Variants in LARGE1 observed in about 807,000 individuals in gnomAD.
LARGE1 encodes LARGE xylosyl- and glucuronyltransferase 1, also known as xylosyl- and glucuronyltransferase LARGE1.
Under a neutral mutation model 87.6 loss-of-function variants are expected in LARGE1, and 43 were observed. The observed-to-expected ratio is 0.49, with a 90% CI of 0.38 to 0.63. The LOEUF is 0.63. LARGE1 is among the 30% of genes least tolerant of loss of function. The pLI is 0.00. For missense variants in LARGE1, 802 were observed against 1,000.2 expected (o/e 0.80, Z 2.67); for synonymous variants, 434 against 394.6 (o/e 1.10, Z -1.18).
intron 1 of LARGE1, among the ~76,000 whole-genome samples, chr22:33,830,129 A>G (rs1050508157): frequency 6.6e-5 from 10 of 152,136 alleles, no homozygotes; most frequent in African/African-American, 2.2e-4. Flanking sequence ...CTGCTCATTT[A>G]TTAAAGCAAC....
At chr22:33,294,621 T>C (rs1330500162) in intron 12 of LARGE1, among the ~76,000 whole-genome samples, 3 of 152,350 alleles carry the variant, frequency 2.0e-5, no homozygotes, top group East Asian at 3.9e-4. Context: ...TCTCCTTTCA[T>C]GCTCCCCTTC....
chr22:33,250,443 A>G (rs986368446), intron 11 of LARGE1, among the ~76,000 whole-genome samples: 7 of 152,210 alleles, frequency 4.6e-5, no homozygotes, highest in Non-Finnish European at 8.8e-5. Flanking sequence ...TTTTCTACAC[A>G]GACAATCATG....
chr22:33,677,122 A>T (rs1429652274), intron 2 of LARGE1, among the ~76,000 whole-genome samples: 1 of 152,036 alleles, frequency 6.6e-6, no homozygotes, highest in Non-Finnish European at 1.5e-5. Flanking sequence ...ATTAGAACCC[A>T]GGTGTGTTGA....
intron 6 of LARGE1, among the ~76,000 whole-genome samples, chr22:33,482,864 C>T (rs554658082): frequency 1.3e-5 from 2 of 152,246 alleles, no homozygotes; most frequent in East Asian, 3.9e-4. Flanking sequence ...CTCCATAGTT[C>T]CTGGAAATGT....
chr22:33,917,309 G>C (rs768155252), intron 1 of LARGE1, among the ~76,000 whole-genome samples: 22 of 152,252 alleles, frequency 1.4e-4, no homozygotes, highest in South Asian at 8.3e-4. Context: ...TAGCTACTTG[G>C]GTAAACCTAG....
intron 11 of LARGE1, among the ~76,000 whole-genome samples, chr22:33,174,314 C>A (rs191327364): frequency 9.2e-4 from 140 of 151,870 alleles, no homozygotes; most frequent in African/African-American, 2.9e-3. Context: ...ACACAACATA[C>A]CAGAATCTCT....
intron 9 of LARGE1, among the ~76,000 whole-genome samples, chr22:33,375,231 A>C (rs2064953127): frequency 6.6e-6 from 1 of 152,258 alleles, no homozygotes; most frequent in African/African-American, 2.4e-5. Context: ...TCTATAGTGC[A>C]CAATGATTTG....
At chr22:33,765,825 T>A (rs1601563694) in intron 1 of LARGE1, among the ~76,000 whole-genome samples, 1 of 150,154 alleles carries the variant, frequency 6.7e-6, no homozygotes, top group African/African-American at 2.4e-5. Flanking sequence ...GGAAAAAAAC[T>A]CTTTAATAAG....
intron 2 of LARGE1, among the ~76,000 whole-genome samples, chr22:33,663,920 C>T (rs2081198463): frequency 6.6e-6 from 1 of 152,200 alleles, no homozygotes; most frequent in African/African-American, 2.4e-5. Context: ...GACCCTCCAA[C>T]ACCTGGCTCA....
chr22:33,404,773 T>C (rs2066038879), intron 7 of LARGE1, among the ~76,000 whole-genome samples: 1 of 152,210 alleles, frequency 6.6e-6, no homozygotes, highest in Admixed American at 6.5e-5. Context: ...TTTTGCAGTA[T>C]TCAATAACCC....
At chr22:33,641,428 C>T (rs552741977) in intron 3 of LARGE1, among the ~76,000 whole-genome samples, 1 of 152,236 alleles carries the variant, frequency 6.6e-6, no homozygotes, top group African/African-American at 2.4e-5. Context: ...TGAAGAAAAA[C>T]CACTGCAAAA....
the LARGE1 span, among the ~76,000 whole-genome samples, chr22:33,121,014 A>G: frequency 1.3e-5 from 2 of 151,918 alleles, no homozygotes; most frequent in Admixed American, 6.6e-5. Context: ...GCAGGTTTAA[A>G]ACCTGACATA....
intron 11 of LARGE1, among the ~76,000 whole-genome samples, chr22:33,261,549 T>C (rs1366516415): frequency 6.7e-6 from 1 of 149,476 alleles, no homozygotes; most frequent in Non-Finnish European, 1.5e-5. Flanking sequence ...TTATAAAAGG[T>C]ATGAAAAGGA....
intron 6 of LARGE1, among the ~76,000 whole-genome samples, chr22:33,495,432 A>G (rs73882240): frequency 0.018 from 2,731 of 152,308 alleles, 82 homozygotes; most frequent in African/African-American, 0.064. Context: ...GAGCAAAACT[A>G]AAGTTTGGCT....
chr22:33,676,311 G>T (rs2081574378), intron 2 of LARGE1, among the ~76,000 whole-genome samples: 1 of 119,392 alleles, frequency 8.4e-6, no homozygotes, highest in Admixed American at 1.2e-4. Context: ...CAAATTATTT[G>T]CACATCAGAG....
chr22:33,573,728 G>T (rs1256881941), intron 5 of LARGE1, among the ~76,000 whole-genome samples: 4 of 152,292 alleles, frequency 2.6e-5, no homozygotes, highest in African/African-American at 9.6e-5. Flanking sequence ...AATGGTTTCT[G>T]TGTGTCAGGA....
chr22:33,161,040 C>T (rs1358429697), downstream of LARGE1, among the ~76,000 whole-genome samples: 1 of 152,202 alleles, frequency 6.6e-6, no homozygotes, highest in Non-Finnish European at 1.5e-5. Flanking sequence ...TCAACTGACT[C>T]ACAGTTTAGC....
intron 1 of LARGE1, among the ~76,000 whole-genome samples, chr22:33,917,648 T>G (rs1390148167): frequency 2.0e-5 from 3 of 152,210 alleles, no homozygotes; most frequent in African/African-American, 7.2e-5. Context: ...GGTCTAATAT[T>G]CAAAGGATAG....
chr22:33,637,972 A>C (rs1175808219), intron 3 of LARGE1, among the ~76,000 whole-genome samples: 1 of 152,174 alleles, frequency 6.6e-6, no homozygotes, highest in African/African-American at 2.4e-5. Flanking sequence ...GCACGTGACA[A>C]TACCACCAGG....
Sources: gnomAD v4.1 joint callset for allele counts (sites outside exome capture counted in the v4.1 genomes callset) on GRCh38, gnomAD v4.1.1 for gene constraint, MANE v1.5 for transcripts, NCBI Gene and HGNC (gene_info 2026-07-23, HGNC 2026-07-21) for gene names.